SNX29: variants seen among roughly 807,000 people sequenced by gnomAD.
The protein encoded by SNX29 is sorting nexin-29.
In SNX29, 78 loss-of-function variants were observed where a neutral mutation model predicts 102.1. That is an observed-to-expected ratio of 0.76 (90% confidence interval 0.64 to 0.92). The LOEUF (loss-of-function observed/expected upper bound fraction) is 0.92. SNX29 is among the 40% of genes least tolerant of loss of function. SNX29 has a pLI of 0.00. For missense variants in SNX29, 1,280 were observed against 1,061.7 expected (o/e 1.21, Z -2.86); for synonymous variants, 580 against 414.5 (o/e 1.40, Z -4.85).
chr16:12,415,132 G>A (rs142670494), intron 18 of SNX29, among the ~76,000 whole-genome samples: 1 of 152,366 alleles, frequency 6.6e-6, no homozygotes, highest in African/African-American at 2.4e-5. Flanking sequence ...CCAAGTCCGG[G>A]CAAAAATTCC....
At position 12,571,964 on chromosome 16, in the gene SNX29, A is replaced by T. The variant is rs547072166; in HGVS notation, c.*3335A>T. On this transcript the variant is annotated 3_prime_UTR_variant, in exon 21 of 21. Coordinates refer to ENST00000566228, the MANE Select transcript of SNX29 (RefSeq NM_032167.5). ...TTCAGGGAAGAGGCTCTTACAGTCT[A>T]TGGTGGTAGCCATCTTCACATCCAG... The T allele has an allele frequency of 5.7e-5, 61 of 1,061,196 alleles. 1 individual carries two copies. The African/African-American group carries it at 9.7e-4, about 17-fold the overall frequency. 65.7% of individuals were successfully genotyped at this position (1,061,196 alleles called of 1,614,324 possible). A position where few individuals can be genotyped will look rare whatever the true frequency, so the allele number is the denominator to read the frequency against.
At chr16:12,082,578 A>G (rs546543504) in intron 11 of SNX29, among the ~76,000 whole-genome samples, 3 of 152,338 alleles carry the variant, frequency 2.0e-5, no homozygotes, top group South Asian at 4.1e-4. Context: ...TTTAGAAACT[A>G]TATCATTTTA....
At chr16:12,146,374 T>G (rs1172009513) in intron 13 of SNX29, among the ~76,000 whole-genome samples, 2 of 152,118 alleles carry the variant, frequency 1.3e-5, no homozygotes, top group Non-Finnish European at 2.9e-5. Flanking sequence ...CAAGTGATTC[T>G]CCTGCCTCAG....
At chr16:12,312,248 C>T (rs942522858) in intron 15 of SNX29, among the ~76,000 whole-genome samples, 1 of 152,190 alleles carries the variant, frequency 6.6e-6, no homozygotes, top group Non-Finnish European at 1.5e-5. Flanking sequence ...CCATCCCAGC[C>T]CCCTGCACTT....
At chr16:12,174,171 T>G (rs1288698084) in intron 13 of SNX29, among the ~76,000 whole-genome samples, 1 of 152,186 alleles carries the variant, frequency 6.6e-6, no homozygotes. Context: ...TAACTCCCCC[T>G]CTAGAGGGCA....
chr16:12,534,603 T>G (rs182247133), intron 20 of SNX29, among the ~76,000 whole-genome samples: 56 of 152,314 alleles, frequency 3.7e-4, no homozygotes, highest in Non-Finnish European at 7.2e-4. Flanking sequence ...TTGTCACCTG[T>G]TAAATTCAAA....
chr16:11,989,584 TGCCCTG>T (rs1450510894), intron 1 of SNX29, among the ~76,000 whole-genome samples: 3 of 152,242 alleles, frequency 2.0e-5, no homozygotes, highest in Non-Finnish European at 2.9e-5. Context: ...GCAGCCGTTG[TGCCCTG>T]GCCAGTTCTG....
chr16:12,514,315 G>GCT (rs1352992346), intron 19 of SNX29, among the ~76,000 whole-genome samples: 2 of 152,104 alleles, frequency 1.3e-5, no homozygotes, highest in African/African-American at 4.8e-5. Context: ...GGCTGCCCTA[G>GCT]CTCCCCCTAC....
At chr16:12,227,127 G>A (rs2142162127) in intron 14 of SNX29, among the ~76,000 whole-genome samples, 1 of 121,132 alleles carries the variant, frequency 8.3e-6, no homozygotes, top group South Asian at 3.1e-4. Flanking sequence ...TTGTCATGCA[G>A]TGCATCTGGG....
intron 19 of SNX29, among the ~76,000 whole-genome samples, chr16:12,502,207 G>C (rs984157913): frequency 1.1e-4 from 17 of 152,140 alleles, no homozygotes; most frequent in African/African-American, 4.1e-4. Context: ...ACCTCCTTTG[G>C]GACAGTGGCA....
At chr16:12,005,840 C>T (rs940644100) in intron 3 of SNX29, among the ~76,000 whole-genome samples, 2 of 152,122 alleles carry the variant, frequency 1.3e-5, no homozygotes, top group Admixed American at 1.3e-4. Context: ...GTATATAATG[C>T]AAATATTCCA....
intron 20 of SNX29, among the ~76,000 whole-genome samples, chr16:12,559,355 A>G (rs939102647): frequency 1.3e-5 from 2 of 151,600 alleles, no homozygotes; most frequent in African/African-American, 2.4e-5. Context: ...GCTACTTACG[A>G]GAATCTCATG....
intron 2 of SNX29, among the ~76,000 whole-genome samples, chr16:12,000,033 G>A (rs2056230262): frequency 6.6e-6 from 1 of 151,500 alleles, no homozygotes. Flanking sequence ...GCACAAGAAG[G>A]CTAGGACAAG....
chr16:11,988,985 T>A (rs956596505), intron 1 of SNX29, among the ~76,000 whole-genome samples: 5 of 152,142 alleles, frequency 3.3e-5, no homozygotes, highest in African/African-American at 1.2e-4. Context: ...AGTAATTTTT[T>A]TTTTTGAGAT....
intron 20 of SNX29, among the ~76,000 whole-genome samples, chr16:12,563,135 G>C (rs879530056): frequency 6.6e-6 from 1 of 152,090 alleles, no homozygotes; most frequent in Non-Finnish European, 1.5e-5. Flanking sequence ...GTCGCCACAC[G>C]TCCTCATCCC....
intron 1 of SNX29, among the ~76,000 whole-genome samples, chr16:11,987,160 G>A (rs1284817273): frequency 6.6e-6 from 1 of 151,218 alleles, no homozygotes; most frequent in Non-Finnish European, 1.5e-5. Context: ...AACCTCCTGG[G>A]CTCAAGTGAT....
At chr16:12,071,908 T>C (rs980057647) in intron 10 of SNX29, among the ~76,000 whole-genome samples, 28 of 152,228 alleles carry the variant, frequency 1.8e-4, no homozygotes, top group Admixed American at 3.3e-4. Context: ...GTTGGATTCG[T>C]AAGTATTTTA....
intron 19 of SNX29, among the ~76,000 whole-genome samples, chr16:12,483,811 G>A (rs754076024): frequency 6.6e-6 from 1 of 152,198 alleles, no homozygotes; most frequent in Non-Finnish European, 1.5e-5. Context: ...GTGGCAACAA[G>A]AACAAGGAGT....
Position 12,129,614 on chromosome 16 carries a change from G to T in SNX29, c.1467-16G>T. 1 of 1,602,120 alleles carries T rather than the reference G, an allele frequency of 6.2e-7. No homozygotes were observed. Among genetic ancestry groups the T allele is most frequent in the South Asian group, 1.1e-5 (1 of 89,376 alleles). On this transcript the variant is annotated splice_polypyrimidine_tract_variant and intron_variant, in intron 12 of 20. Coordinates refer to ENST00000566228, the MANE Select transcript of SNX29 (RefSeq NM_032167.5). ...GGGTTGACAGCTTCTGAACAGATGGGTCCCTCTCTTCCCAGATCACTGCGA... is the reference window on the plus strand; with the variant it reads ...GGGTTGACAGCTTCTGAACAGATGGTTCCCTCTCTTCCCAGATCACTGCGA...
Sources: gnomAD v4.1 joint callset for allele counts (sites outside exome capture counted in the v4.1 genomes callset) on GRCh38, gnomAD v4.1.1 for gene constraint, MANE v1.5 for transcripts, NCBI Gene and HGNC (gene_info 2026-07-23, HGNC 2026-07-21) for gene names.